Variants in ITGA1 observed in about 807,000 individuals in gnomAD.
The protein encoded by ITGA1 is integrin alpha-1.
A neutral mutation model predicts 145.9 loss-of-function variants in ITGA1; 85 were observed. The observed-to-expected ratio is 0.58, with a 90% CI of 0.49 to 0.70. The LOEUF is 0.70. ITGA1 is among the 30% of genes least tolerant of loss of function. The pLI is 0.00. For missense variants in ITGA1, 1,351 were observed against 1,418.7 expected (o/e 0.95, Z 0.77); for synonymous variants, 520 against 495.3 (o/e 1.05, Z -0.66).
rs558866272 is a variant in ITGA1 at position 52,921,458 on chromosome 5, C to A, written c.2292+990C>A. Among the ~76,000 whole-genome samples, 11 of 152,174 alleles carry A rather than the reference C, an allele frequency of 7.2e-5. No individual in the cohort carries two copies. The South Asian group carries it at 2.3e-3, about 32-fold the overall frequency. ...CATGATACTTATCATGAAGCTTATT[C>A]TGTCAGGACCAAGATCAATCTATTA... On this transcript the variant is annotated intron_variant, in intron 17 of 28. Transcript: ENST00000282588.
At chr5:52,901,891 T>C (rs1579707380) in intron 11 of ITGA1, 2 of 152,218 alleles carry the variant, frequency 1.3e-5, no homozygotes, top group East Asian at 3.8e-4. Flanking sequence ...ATTAGCTTAC[T>C]CACAAGTGAG....
At chr5:52,910,094 C>G in intron 13 of ITGA1, 68 bp from the exon 14 acceptor site, 1 of 1,434,354 alleles carries the variant, frequency 7.0e-7, no homozygotes, top group Admixed American at 2.0e-5. Flanking sequence ...ATTTAGTATA[C>G]TTTAAAAATT....
At chr5:52,945,782 T>C (rs563191046) in intron 27 of ITGA1, among the ~76,000 whole-genome samples, 2 of 152,370 alleles carry the variant, frequency 1.3e-5, no homozygotes, top group South Asian at 4.1e-4. Flanking sequence ...TCAGATGTTC[T>C]TTTTAAATTG....
At position 52,954,542 on chromosome 5, in the gene ITGA1, A is replaced by G. The variant is rs1285677109; in HGVS notation, c.*2091A>G. ...ATAAGCCCGGCACAATTTTTAACATAAGTCATTCCTGGCTATTAAGTAAAA... is the reference window on the plus strand; with the variant it reads ...ATAAGCCCGGCACAATTTTTAACATGAGTCATTCCTGGCTATTAAGTAAAA... On this transcript the variant is annotated 3_prime_UTR_variant, in exon 29 of 29. Coordinates refer to ENST00000282588, the MANE Select transcript of ITGA1 (RefSeq NM_181501.2). 1 of 152,212 alleles carries G rather than the reference A, an allele frequency of 6.6e-6. No individual in the cohort carries two copies. The highest frequency in any genetic ancestry group is 1.5e-5 in the Non-Finnish European group (1 of 68,032). The allele number at this position is 152,212 out of a possible 1,614,324, so 9.4% of individuals were successfully genotyped here.
intron 1 of ITGA1, among the ~76,000 whole-genome samples, chr5:52,796,511 T>C (rs558002905): frequency 1.3e-5 from 2 of 152,148 alleles, no homozygotes; most frequent in East Asian, 3.9e-4. Flanking sequence ...CTCAATACTT[T>C]GCTCATTTGG....
At chr5:52,801,105 G>A in intron 1 of ITGA1, 2 of 1,603,160 alleles carry the variant, frequency 1.2e-6, no homozygotes, top group Non-Finnish European at 1.7e-6. Flanking sequence ...TGGAAAACCG[G>A]TCCAAATTTC....
chr5:52,869,445 G>A lies in ITGA1; in HGVS notation c.624+3628G>A, dbSNP rs1749743207. On this transcript the variant is annotated intron_variant, in intron 6 of 28. Transcript: ENST00000282588. ...CAAGGTGCTGGGATTACAGGCTTGA[G>A]CCACTGTGCCTGGCCCCATATGATT... 2.0e-5 allele frequency among the ~76,000 whole-genome samples: 3 copies of A among 152,314 alleles called. No homozygotes were observed. The South Asian group carries it at 6.2e-4, about 32-fold the overall frequency.
intron 1 of ITGA1, among the ~76,000 whole-genome samples, chr5:52,798,399 T>G: frequency 3.5e-5 from 1 of 28,210 alleles, no homozygotes; most frequent in South Asian, 1.3e-3. Context: ...TGATAATCTC[T>G]TAGGAAGATA....
chr5:52,849,612 T>A (rs1160001613), intron 2 of ITGA1, 127 bp downstream of exon 2: 24 of 887,008 alleles, frequency 2.7e-5, no homozygotes, highest in Non-Finnish European at 3.6e-5. Context: ...GAAAATGCAG[T>A]CTAGTCATTT....
At chr5:52,798,540 G>C (rs1366734523) in intron 1 of ITGA1, among the ~76,000 whole-genome samples, 1 of 152,178 alleles carries the variant, frequency 6.6e-6, no homozygotes, top group African/African-American at 2.4e-5. Flanking sequence ...GCCTTTCTGG[G>C]AAGATGATTT....
In ITGA1 at chr5:52,937,477, A is replaced by G. The variant is rs1205125558; in HGVS notation, c.3041A>G (p.Tyr1014Cys). Residue 1014 changes from tyrosine to cysteine, a missense_variant, in exon 24 of 29, where the codon TAC (tyrosine) becomes TGC (cysteine). Coordinates refer to ENST00000282588, the MANE Select transcript of ITGA1 (RefSeq NM_181501.2). ...TTCCCCAATATGACATCAAATGGTTACCCTGTGCTGTACCCAACTGGATTG... is the reference window on the plus strand; with the variant it reads ...TTCCCCAATATGACATCAAATGGTTGCCCTGTGCTGTACCCAACTGGATTG... ...ISFPNMTSNG[Y>C]PVLYPTGLSS... is the part of the protein sequence containing the mutation. 2.5e-6 allele frequency: 4 copies of G among 1,613,154 alleles called. No individual in the cohort carries two copies. The highest frequency in any genetic ancestry group is 2.5e-6 in the Non-Finnish European group (3 of 1,179,282).
At chr5:52,852,199 A>G (rs1749441280) in intron 2 of ITGA1, among the ~76,000 whole-genome samples, 1 of 152,172 alleles carries the variant, frequency 6.6e-6, no homozygotes, top group South Asian at 2.1e-4. Flanking sequence ...TTGGGATGAA[A>G]AAAGAGAAAA....
At chr5:52,930,405 A>G (rs1441652219) in intron 21 of ITGA1, among the ~76,000 whole-genome samples, 1 of 152,196 alleles carries the variant, frequency 6.6e-6, no homozygotes, top group Non-Finnish European at 1.5e-5. Context: ...TTTGACATCT[A>G]TTATGCACAA....
chr5:52,812,632 T>C lies in ITGA1; in HGVS notation c.61+24218T>C, dbSNP rs561690029. On this transcript the variant is annotated intron_variant, in intron 1 of 28. Transcript: ENST00000282588. ...CCTTGAGCAAGTAATGTTACCTTTA[T>C]GATTCTCAAACTTAGCTTTGTGAGC... is the stretch of plus-strand genomic sequence containing the variant. 6.7e-4 allele frequency among the ~76,000 whole-genome samples: 102 copies of C among 152,288 alleles called. 1 individual carries two copies. The highest frequency in any genetic ancestry group is 2.5e-3 in the Admixed American group (38 of 15,288).
chr5:52,905,893 G>T lies in ITGA1; in HGVS notation c.1440G>T (p.Thr480=). Residue 480 remains threonine (T), a synonymous_variant, in exon 12 of 29, where the codon ACG becomes ACT. Transcript: ENST00000282588. ...ATGGAAACATCAAAATTCTCCAGAC[G>T]CTCAGTGGAGAACAGGTAAACTTGA... is the stretch of plus-strand genomic sequence containing the variant. ...MEDGNIKILQ[T]LSGEQIGSYF... The T allele has an allele frequency of 6.2e-7, 1 of 1,612,326 alleles. No individual in the cohort carries two copies. Among genetic ancestry groups the T allele is most frequent in the Non-Finnish European group, 8.5e-7 (1 of 1,178,736 alleles).
At chr5:52,945,157 C>A in intron 27 of ITGA1, 122 bp downstream of exon 27, 1 of 681,878 alleles carries the variant, frequency 1.5e-6, no homozygotes, top group Non-Finnish European at 2.6e-6. Context: ...AAGTGACAGA[C>A]ACTATTTGCT....
chr5:52,943,335 A>G (rs1751081806), intron 26 of ITGA1, among the ~76,000 whole-genome samples: 1 of 152,142 alleles, frequency 6.6e-6, no homozygotes, highest in South Asian at 2.1e-4. Context: ...AGTTGAGTGT[A>G]GTCATTTGGG....
At chr5:52,931,535 GATC>G (rs2111888294) in intron 21 of ITGA1, 1 of 152,280 alleles carries the variant, frequency 6.6e-6, no homozygotes, top group Admixed American at 6.5e-5. Flanking sequence ...CAAACAATAT[GATC>G]ATCAAGTACT....
chr5:52,807,276 C>G, intron 1 of ITGA1, among the ~76,000 whole-genome samples: 1 of 152,110 alleles, frequency 6.6e-6, no homozygotes, highest in Admixed American at 6.5e-5. Context: ...ACTGTCCCCA[C>G]TCCAGGAATG....
Sources: gnomAD v4.1 joint callset for allele counts (sites outside exome capture counted in the v4.1 genomes callset) on GRCh38, gnomAD v4.1.1 for gene constraint, MANE v1.5 for transcripts, NCBI Gene and HGNC (gene_info 2026-07-23, HGNC 2026-07-21) for gene names.